The following SLC35F5 variants were observed in gnomAD, a reference collection of about 807,000 sequenced individuals.
The protein encoded by SLC35F5 is solute carrier family 35 member F5, also known as HCV NS5A-transactivated protein 3.
A neutral mutation model predicts 68.6 loss-of-function variants in SLC35F5; 54 were observed. That is an observed-to-expected ratio of 0.79 (90% confidence interval 0.63 to 0.99). The LOEUF is 0.99. Ranked by LOEUF, SLC35F5 falls within the 50% of genes least tolerant of loss-of-function variation. SLC35F5 has a pLI of 0.00. For synonymous variants in SLC35F5, 211 were observed against 205.2 expected, an observed-to-expected ratio of 1.03 and a Z score of -0.24; for missense variants, 567 against 626.9, an observed-to-expected ratio of 0.90 and a Z score of 1.02.
intron 12 of SLC35F5, among the ~76,000 whole-genome samples, chr2:113,724,104 G>GAACACTA (rs1256852423): frequency 6.6e-6 from 1 of 152,184 alleles, no homozygotes; most frequent in African/African-American, 2.4e-5. Context: ...AATGAACAGA[G>GAACACTA]GCTGAACAAC....
At chr2:113,734,090 A>G (rs192813791) in intron 9 of SLC35F5, among the ~76,000 whole-genome samples, 3 of 152,380 alleles carry the variant, frequency 2.0e-5, no homozygotes, top group Admixed American at 1.3e-4. Flanking sequence ...AAGTATAGTT[A>G]TCAGCAACAC....
At position 113,755,060 on chromosome 2, in the gene SLC35F5, T is replaced by A. The variant is rs371124195; in HGVS notation, c.273+105A>T. 5 of 1,175,508 alleles carry A rather than the reference T, an allele frequency of 4.3e-6. No individual in the cohort carries two copies. In the Admixed American group the frequency reaches 1.2e-4, roughly 28 times the overall value. The allele number at this position is 1,175,508 out of a possible 1,614,324, so 72.8% of individuals were successfully genotyped here. On this transcript the variant is annotated intron_variant, in intron 3 of 15. Coordinates refer to ENST00000245680, the MANE Select transcript of SLC35F5 (RefSeq NM_025181.5). Reference sequence around the variant, plus strand: ...TTTAAAAATTCAATAGTATTTAAGATACTGCTTTTAGAAAGCAGGAGATTG... The same window carrying A: ...TTTAAAAATTCAATAGTATTTAAGAAACTGCTTTTAGAAAGCAGGAGATTG...
intron 11 of SLC35F5, among the ~76,000 whole-genome samples, chr2:113,726,182 C>T (rs73955057): frequency 0.23 from 35,324 of 152,030 alleles, 4,463 homozygotes; most frequent in Middle Eastern, 0.49. Flanking sequence ...GTAGTGCAAG[C>T]CTTATACCTC....
intron 4 of SLC35F5, among the ~76,000 whole-genome samples, chr2:113,747,227 C>T (rs918481050): frequency 4.6e-5 from 7 of 150,572 alleles, no homozygotes; most frequent in African/African-American, 1.5e-4. Flanking sequence ...GTGGAGGTTG[C>T]AGTGAGCCGA....
Position 113,712,385 on chromosome 2 carries a change from C to T in SLC35F5, c.*2833G>A, listed in dbSNP as rs947931746. On this transcript the variant is annotated 3_prime_UTR_variant, in exon 16 of 16. Transcript: ENST00000245680. ...AGGCTGGAGTGCAGGGGCACGATCTCGGCTCACTGCAGGCTCCGCCTCCCG... is the reference window on the plus strand; with the variant it reads ...AGGCTGGAGTGCAGGGGCACGATCTTGGCTCACTGCAGGCTCCGCCTCCCG... Among the ~76,000 whole-genome samples the T allele has an allele frequency of 6.6e-6, 1 of 152,086 alleles. No homozygotes were observed. The highest frequency in any genetic ancestry group is 1.5e-5 in the Non-Finnish European group (1 of 68,036).
intron 4 of SLC35F5, among the ~76,000 whole-genome samples, chr2:113,747,220 G>A (rs1345884204): frequency 1.3e-5 from 2 of 151,660 alleles, no homozygotes; most frequent in East Asian, 3.9e-4. Context: ...CCAGGACGTG[G>A]AGGTTGCAGT....
At position 113,714,304 on chromosome 2, in the gene SLC35F5, C is replaced by G. The variant is rs1338952339; in HGVS notation, c.*914G>C. 4 of 152,010 alleles carry G rather than the reference C, an allele frequency of 2.6e-5. No homozygotes were observed. The highest frequency in any genetic ancestry group is 7.2e-5 in the African/African-American group (3 of 41,412). 9.4% of individuals were successfully genotyped at this position (152,010 alleles called of 1,614,324 possible). A position where few individuals can be genotyped will look rare whatever the true frequency, so the allele number is the denominator to read the frequency against. On this transcript the variant is annotated 3_prime_UTR_variant, in exon 16 of 16. Transcript: ENST00000245680. ...TAGTTCTAGAGTAATCTGGCACATT[C>G]ATATGTGAAAAAAATTAGAAATCAC...
At chr2:113,723,925 T>A (rs570957782) in intron 12 of SLC35F5, among the ~76,000 whole-genome samples, 4 of 152,298 alleles carry the variant, frequency 2.6e-5, no homozygotes, top group African/African-American at 9.6e-5. Flanking sequence ...AATTTGGGCA[T>A]ATAAGGAGAA....
At chr2:113,732,663 C>T (rs1687944739) in intron 9 of SLC35F5, among the ~76,000 whole-genome samples, 1 of 152,094 alleles carries the variant, frequency 6.6e-6, no homozygotes, top group Non-Finnish European at 1.5e-5. Flanking sequence ...TTATTAGAAA[C>T]CAGGGATTTT....
rs769562042 is a variant in SLC35F5 at position 113,731,635 on chromosome 2, CA to C, written c.933del (p.Val312TyrfsTer3). On this transcript the variant is annotated frameshift_variant, in exon 10 of 16. Coordinates refer to ENST00000245680, the MANE Select transcript of SLC35F5 (RefSeq NM_025181.5). LOFTEE classifies it high-confidence loss of function. ...TCAGACCCTGCCAGGTTTACCAGTA[CA>C]ACGCCTCCAATGCTATGAGAATAAC... Reference protein sequence around the residue: ...LLAVILSIGGVVLVNLAGSEK... With the variant: ...LLAVILSIGGXVLVNLAGSEK... 7.4e-6 allele frequency: 12 copies of C among 1,612,848 alleles called. No individual in the cohort carries two copies. Among genetic ancestry groups the C allele is most frequent in the Non-Finnish European group, 1.0e-5 (12 of 1,179,082 alleles).
intron 3 of SLC35F5, among the ~76,000 whole-genome samples, chr2:113,753,772 A>G (rs1676852658): frequency 6.6e-6 from 1 of 152,194 alleles, no homozygotes; most frequent in Non-Finnish European, 1.5e-5. Context: ...TAATTTAACC[A>G]GGTGCTATTT....
chr2:113,734,926 A>G (rs573023686), intron 8 of SLC35F5, among the ~76,000 whole-genome samples: 1 of 152,334 alleles, frequency 6.6e-6, no homozygotes, highest in South Asian at 2.1e-4. Context: ...TATTTATTTT[A>G]AACTAATAGG....
chr2:113,723,946 A>G (rs1266858457), intron 12 of SLC35F5, among the ~76,000 whole-genome samples: 1 of 152,234 alleles, frequency 6.6e-6, no homozygotes, highest in Non-Finnish European at 1.5e-5. Flanking sequence ...AATGAATTAT[A>G]AGCCAAGATA....
rs749400606 is a variant in SLC35F5 at position 113,709,400 on chromosome 2, A to C, written c.*5818T>G. ...TTTTACACCTGAGAGGAATCTTAAA[A>C]GATACTGAATTTCGCTTCTCACTTT... is the stretch of plus-strand genomic sequence containing the variant. On this transcript the variant is annotated 3_prime_UTR_variant, in exon 16 of 16. Transcript: ENST00000245680. 1.1e-4 allele frequency among the ~76,000 whole-genome samples: 16 copies of C among 152,272 alleles called. No homozygotes were observed. The highest frequency in any genetic ancestry group is 2.1e-4 in the Non-Finnish European group (14 of 68,052).
chr2:113,731,633 TACA>T lies in SLC35F5; in HGVS notation c.933_935del (p.Val312del), dbSNP rs1279778923. On this transcript the variant is annotated inframe_deletion, in exon 10 of 16. Coordinates refer to ENST00000245680, the MANE Select transcript of SLC35F5 (RefSeq NM_025181.5). ...TTTCAGACCCTGCCAGGTTTACCAG[TACA>T]ACGCCTCCAATGCTATGAGAATAAC... 1.2e-6 allele frequency: 2 copies of T among 1,613,018 alleles called. No individual in the cohort carries two copies. The highest frequency in any genetic ancestry group is 1.1e-5 in the South Asian group (1 of 91,070).
At chr2:113,748,041 G>A (rs1010682221) in intron 4 of SLC35F5, among the ~76,000 whole-genome samples, 1 of 152,176 alleles carries the variant, frequency 6.6e-6, no homozygotes, top group African/African-American at 2.4e-5. Context: ...TCAGTGAGCT[G>A]AGATCGCGCC....
Position 113,756,625 on chromosome 2 carries a change from G to T in SLC35F5, c.-216C>A. ...AGGGACGGCACAGTCAGCTATGGCC[G>T]CGGAGGCCCGGAGATCTGCTCTGGC... On this transcript the variant is annotated 5_prime_UTR_variant, in exon 1 of 16. Transcript: ENST00000245680. 7.7e-7 allele frequency: 1 copy of T among 1,292,560 alleles called. No individual in the cohort carries two copies. The highest frequency in any genetic ancestry group is 1.0e-6 in the Non-Finnish European group (1 of 985,470). The allele number at this position is 1,292,560 out of a possible 1,614,324, so 80.1% of individuals were successfully genotyped here.
At chr2:113,716,149 C>T (rs1343434416) in intron 15 of SLC35F5, among the ~76,000 whole-genome samples, 1 of 152,098 alleles carries the variant, frequency 6.6e-6, no homozygotes, top group Non-Finnish European at 1.5e-5. Flanking sequence ...GAGAAAATAA[C>T]AGCCAACTCT....
intron 7 of SLC35F5, 146 bp downstream of exon 7, chr2:113,742,546 C>A: frequency 1.3e-6 from 1 of 742,446 alleles, no homozygotes; most frequent in Non-Finnish European, 2.2e-6. Flanking sequence ...GATACCCTAA[C>A]TTCCTACCGG....
Sources: allele counts gnomAD v4.1 joint callset (sites outside exome capture counted in the v4.1 genomes callset), GRCh38; gene constraint gnomAD v4.1.1; transcripts MANE v1.5; gene names NCBI Gene and HGNC (gene_info 2026-07-23, HGNC 2026-07-21).